The following ZFX variants were observed in gnomAD, a reference collection of about 807,000 sequenced individuals.
ZFX encodes the protein zinc finger protein X-linked, also known as zinc finger X-chromosomal protein.
For missense variants in ZFX, 362 were observed against 628.3 expected, an observed-to-expected ratio of 0.58 and a Z score of 4.53; for synonymous variants, 196 against 226.8, an observed-to-expected ratio of 0.86 and a Z score of 1.22.
rs767859505 is a variant in ZFX at position 24,210,623 on chromosome X, G to A, written c.1665G>A (p.Lys555=). The A allele has an allele frequency of 3.3e-6, 4 of 1,211,896 alleles. No individual in the cohort carries two copies. The highest frequency in any genetic ancestry group is 3.3e-6 in the Non-Finnish European group (3 of 895,578). ...NFPHICVECG[K]GFRHPSELKK... is the part of the protein sequence containing the mutation. ...CTCATATTTGTGTGGAGTGTGGTAA[G>A]GGTTTTCGTCACCCGTCAGAGCTCA... The change falls in exon 10 of 10, where the codon AAG becomes AAA. Residue 555 remains lysine, a synonymous_variant. Transcript: ENST00000304543.
intron 5 of ZFX, among the ~76,000 whole-genome samples, chrX:24,189,791 A>C (rs1474671161): frequency 9.0e-6 from 1 of 111,619 alleles, no homozygotes; most frequent in Non-Finnish European, 1.9e-5. Context: ...ACATCCTAAT[A>C]GTTTATTGAT....
intron 5 of ZFX, among the ~76,000 whole-genome samples, chrX:24,195,193 C>A (rs919795584): frequency 1.3e-4 from 14 of 110,995 alleles, no homozygotes; most frequent in African/African-American, 3.6e-4. Context: ...GTAAATAATA[C>A]GCTTTCTTGA....
At position 24,208,213 on chromosome X, in the gene ZFX, C is replaced by T. The variant is rs746865044; in HGVS notation, c.941-5C>T. ...TCACAGAAGTTTTTGTAACTTTCTA[C>T]TTAGATGTTGCTGAAATCGCTGACG... On this transcript the variant is annotated splice_polypyrimidine_tract_variant and splice_region_variant and intron_variant, in intron 7 of 9. Transcript: ENST00000304543. The T allele has an allele frequency of 5.8e-6, 7 of 1,210,823 alleles. No homozygotes were observed. Among genetic ancestry groups the T allele is most frequent in the Middle Eastern group, 2.3e-4 (1 of 4,345 alleles).
chrX:24,186,812 C>G (rs955510348), intron 5 of ZFX, among the ~76,000 whole-genome samples: 3 of 111,479 alleles, frequency 2.7e-5, no homozygotes, highest in Non-Finnish European at 5.6e-5. Flanking sequence ...TGATTGGCTT[C>G]TAAGTTAATT....
At chrX:24,180,893 T>C (rs1935627670) in intron 5 of ZFX, among the ~76,000 whole-genome samples, 1 of 112,161 alleles carries the variant, frequency 8.9e-6, no homozygotes. Flanking sequence ...ATGTTTATCT[T>C]AGCATCTGGA....
At chrX:24,155,138 A>T (rs1032022561) in intron 3 of ZFX, among the ~76,000 whole-genome samples, 1 of 111,340 alleles carries the variant, frequency 9.0e-6, no homozygotes, top group Non-Finnish European at 1.9e-5. Flanking sequence ...TAAGAGTTTT[A>T]AAAAAATCTC....
intron 5 of ZFX, among the ~76,000 whole-genome samples, chrX:24,201,231 TG>T (rs765819189): frequency 0.058 from 6,484 of 112,346 alleles, 475 homozygotes; most frequent in African/African-American, 0.2. Context: ...GTGGGATAAA[TG>T]TTCAAGGTGA....
chrX:24,183,889 C>T (rs1026678409), intron 5 of ZFX, among the ~76,000 whole-genome samples: 9 of 108,664 alleles, frequency 8.3e-5, no homozygotes, highest in African/African-American at 1.3e-4. Context: ...CGAGTAGCTG[C>T]GATTATAGGC....
intron 3 of ZFX, among the ~76,000 whole-genome samples, chrX:24,160,369 G>A (rs1388343228): frequency 9.5e-6 from 1 of 105,257 alleles, no homozygotes; most frequent in African/African-American, 3.5e-5. Context: ...CGCACTCTCG[G>A]CTCACTGTAA....
chrX:24,177,300 GAAT>G (rs1232821666), intron 4 of ZFX, among the ~76,000 whole-genome samples: 2 of 112,212 alleles, frequency 1.8e-5, no homozygotes, highest in African/African-American at 3.2e-5. Context: ...CATTCATTCA[GAAT>G]AATATTTTCT....
chrX:24,208,724 G>T (rs1452036890), intron 8 of ZFX, among the ~76,000 whole-genome samples, 176 bp from the exon 9 acceptor site: 1 of 111,256 alleles, frequency 9.0e-6, no homozygotes, highest in Non-Finnish European at 1.9e-5. Flanking sequence ...GAAGCTAGGC[G>T]TTTCCTACGG....
chrX:24,191,545 CAT>C (rs1445809392), intron 5 of ZFX, among the ~76,000 whole-genome samples: 2 of 111,610 alleles, frequency 1.8e-5, no homozygotes, highest in Non-Finnish European at 3.8e-5. Flanking sequence ...TCTGTTTTCA[CAT>C]ATGTCAAGTA....
chrX:24,173,038 A>G (rs1934773690), intron 4 of ZFX: 1 of 290,203 alleles, frequency 3.4e-6, no homozygotes, highest in Non-Finnish European at 6.0e-6. Flanking sequence ...TTTTATCTTC[A>G]GTTATGAAGA....
intron 4 of ZFX, chrX:24,177,925 A>AT (rs759116403): frequency 0.067 from 33,127 of 491,094 alleles, 11 homozygotes; most frequent in Non-Finnish European, 0.074. Context: ...GCATTACTTA[A>AT]TTTTTTTTTT....
chrX:24,213,813 A>G lies in ZFX; in HGVS notation c.*2437A>G, dbSNP rs765842822. 9.0e-6 allele frequency: 1 copy of G among 110,509 alleles called. No individual in the cohort carries two copies. Among genetic ancestry groups the G allele is most frequent in the African/African-American group, 3.3e-5 (1 of 30,276 alleles). 9.1% of individuals were successfully genotyped at this position (110,509 alleles called of 1,213,427 possible). A position where few individuals can be genotyped will look rare whatever the true frequency, so the allele number is the denominator to read the frequency against. Reference sequence around the variant, plus strand: ...TCCCTTAATTTTTATTTTCCCAGAAATAATGTAAAAACACTTAAATGAAAG... The same window carrying G: ...TCCCTTAATTTTTATTTTCCCAGAAGTAATGTAAAAACACTTAAATGAAAG... On this transcript the variant is annotated 3_prime_UTR_variant, in exon 10 of 10. Coordinates refer to ENST00000304543, the MANE Select transcript of ZFX (RefSeq NM_003410.4).
chrX:24,196,780 G>A (rs1330969431), intron 5 of ZFX, among the ~76,000 whole-genome samples: 1 of 111,323 alleles, frequency 9.0e-6, no homozygotes, highest in Admixed American at 9.5e-5. Context: ...TTTATTTGTA[G>A]AGATGGGGTC....
At position 24,212,315 on chromosome X, in the gene ZFX, G is replaced by A. The variant is rs193278826; in HGVS notation, c.*939G>A. The A allele has an allele frequency of 3.0e-4, 34 of 111,789 alleles. No individual in the cohort carries two copies. The highest frequency in any genetic ancestry group is 1.0e-3 in the African/African-American group (32 of 30,659). 9.2% of individuals were successfully genotyped at this position (111,789 alleles called of 1,213,427 possible). Reference sequence around the variant, plus strand: ...ATACACACAACCCCAAGTAGTAGTTGTTTAAAATCTATAATGAAAAGTATT... The same window carrying A: ...ATACACACAACCCCAAGTAGTAGTTATTTAAAATCTATAATGAAAAGTATT... On this transcript the variant is annotated 3_prime_UTR_variant, in exon 10 of 10. Coordinates refer to ENST00000304543, the MANE Select transcript of ZFX (RefSeq NM_003410.4).
chrX:24,170,760 G>A (rs1056422068), intron 3 of ZFX, among the ~76,000 whole-genome samples: 4 of 108,433 alleles, frequency 3.7e-5, no homozygotes, highest in African/African-American at 1.3e-4. Flanking sequence ...ACAGGCATGC[G>A]CCACCATACC....
chrX:24,189,128 C>T (rs1936363912), intron 5 of ZFX, among the ~76,000 whole-genome samples: 1 of 112,071 alleles, frequency 8.9e-6, no homozygotes, highest in Non-Finnish European at 1.9e-5. Flanking sequence ...TGAGCCACCG[C>T]GCCTGGCCTG....
Sources: allele counts gnomAD v4.1 joint callset (sites outside exome capture counted in the v4.1 genomes callset), GRCh38; gene constraint gnomAD v4.1.1; transcripts MANE v1.5; gene names NCBI Gene and HGNC (gene_info 2026-07-23, HGNC 2026-07-21).